The following RALGPS1 variants were observed in gnomAD, a reference collection of about 807,000 sequenced individuals.
RALGPS1 encodes the protein Ral GEF with PH domain and SH3 binding motif 1, also known as ras-specific guanine nucleotide-releasing factor RalGPS1.
In RALGPS1, 19 loss-of-function variants were observed where a neutral mutation model predicts 78.8. The observed-to-expected ratio is 0.24, with a 90% CI of 0.17 to 0.35. The LOEUF (loss-of-function observed/expected upper bound fraction) is 0.35. Among genes scored for constraint, RALGPS1 ranks in the 10% least tolerant of loss-of-function variants. The pLI, the probability that RALGPS1 is intolerant of heterozygous loss-of-function variation, is 1.00. For missense variants in RALGPS1, 454 were observed against 688.3 expected (o/e 0.66, Z 3.81); for synonymous variants, 228 against 256.3 (o/e 0.89, Z 1.06).
Position 127,091,510 on chromosome 9 carries a change from G to A in RALGPS1, c.610+22154G>A, listed in dbSNP as rs1381970950. On this transcript the variant is annotated intron_variant, in intron 8 of 18. Transcript: ENST00000259351. This position sits in a 1 kb window ranked among gnomAD's most constrained non-coding sequence, Gnocchi z 4.3. ...CTTTGTGAAGGGGACCTGTGGGCAG[G>A]AGAAGGGACCCTCAGGGGGTGGTAA... Among the ~76,000 whole-genome samples the A allele has an allele frequency of 6.6e-6, 1 of 152,150 alleles. No individual in the cohort carries two copies. The highest frequency in any genetic ancestry group is 2.4e-5 in the African/African-American group (1 of 41,428).
chr9:127,156,436 A>G (rs1268713437), intron 8 of RALGPS1, among the ~76,000 whole-genome samples: 1 of 152,226 alleles, frequency 6.6e-6, no homozygotes, highest in East Asian at 1.9e-4. Context: ...ACGCTCATCA[A>G]CACTAAATAT....
chr9:127,150,099 C>T (rs999200489), intron 8 of RALGPS1, among the ~76,000 whole-genome samples: 1 of 152,234 alleles, frequency 6.6e-6, no homozygotes, highest in African/African-American at 2.4e-5. Context: ...AACTTAGCCT[C>T]TCTGAGCCTC....
At position 127,218,876 on chromosome 9, in the gene RALGPS1, C is replaced by T; in HGVS notation, c.*107C>T. The T allele has an allele frequency of 1.5e-6, 2 of 1,309,136 alleles. No homozygotes were observed. The highest frequency in any genetic ancestry group is 2.2e-6 in the Non-Finnish European group (2 of 904,594). 81.1% of individuals were successfully genotyped at this position (1,309,136 alleles called of 1,614,324 possible). ...GGCTGTGAGCCAGGGTGCTGGGAAA[C>T]TCACAGCTGGACTCAGGGGACACGG... is the stretch of plus-strand genomic sequence containing the variant. On this transcript the variant is annotated 3_prime_UTR_variant, in exon 19 of 19. Coordinates refer to ENST00000259351, the MANE Select transcript of RALGPS1 (RefSeq NM_014636.3). The surrounding 1 kb of genome is among the most constrained non-coding windows in gnomAD (Gnocchi z 4.4).
intron 4 of RALGPS1, among the ~76,000 whole-genome samples, chr9:127,020,617 G>C (rs2045350228): frequency 6.6e-6 from 1 of 152,250 alleles, no homozygotes; most frequent in South Asian, 2.1e-4. Context: ...AGGGTGGGCA[G>C]ATGTGAGAAA....
At chr9:127,062,101 GTTTTT>G (rs927109802) in intron 7 of RALGPS1, among the ~76,000 whole-genome samples, 1 of 151,234 alleles carries the variant, frequency 6.6e-6, no homozygotes, top group Non-Finnish European at 1.5e-5. Context: ...TTTTTTTGTT[GTTTTT>G]TTTTGTTTTG....
chr9:126,942,208 T>C (rs538603097), intron 1 of RALGPS1, among the ~76,000 whole-genome samples: 1 of 152,208 alleles, frequency 6.6e-6, no homozygotes, highest in Admixed American at 6.6e-5. Flanking sequence ...TTTCATGATG[T>C]CTTTTCCTTT....
At chr9:126,933,597 G>T (rs2035996966) in intron 1 of RALGPS1, among the ~76,000 whole-genome samples, 1 of 152,196 alleles carries the variant, frequency 6.6e-6, no homozygotes, top group East Asian at 1.9e-4. Flanking sequence ...TCAGATGTGG[G>T]AGGGGAAGGC....
At chr9:127,082,639 G>A (rs965019858) in intron 8 of RALGPS1, among the ~76,000 whole-genome samples, 6 of 152,138 alleles carry the variant, frequency 3.9e-5, no homozygotes, top group Non-Finnish European at 8.8e-5. Context: ...AGACTGACTC[G>A]AGTTCACATT....
intron 4 of RALGPS1, among the ~76,000 whole-genome samples, chr9:127,033,762 C>G (rs2046626504): frequency 6.6e-6 from 1 of 152,166 alleles, no homozygotes; most frequent in African/African-American, 2.4e-5. Flanking sequence ...TATCCCTTGG[C>G]TAAGAGCCAG....
intron 1 of RALGPS1, among the ~76,000 whole-genome samples, chr9:126,958,301 A>T (rs1022446591): frequency 1.3e-5 from 2 of 151,874 alleles, no homozygotes; most frequent in South Asian, 4.2e-4. Flanking sequence ...TTTATATTTC[A>T]TAAAACCCAC....
intron 14 of RALGPS1, among the ~76,000 whole-genome samples, chr9:127,200,655 A>G (rs775520425): frequency 1.3e-5 from 2 of 152,206 alleles, no homozygotes; most frequent in Non-Finnish European, 2.9e-5. Context: ...CTCCCCGGCC[A>G]TCTGGGTTGC....
At chr9:127,088,181 T>A (rs2051999420) in intron 8 of RALGPS1, 1 of 152,190 alleles carries the variant, frequency 6.6e-6, no homozygotes, top group African/African-American at 2.4e-5. Context: ...TAATGAATGG[T>A]GTCAAATGAA....
At chr9:127,094,223 A>G (rs1014458639) in intron 8 of RALGPS1, among the ~76,000 whole-genome samples, 2 of 152,124 alleles carry the variant, frequency 1.3e-5, no homozygotes, top group Non-Finnish European at 2.9e-5. Context: ...CTGATTGTAG[A>G]AGGAAGATCA....
intron 4 of RALGPS1, among the ~76,000 whole-genome samples, chr9:126,998,163 G>C (rs529448032): frequency 6.6e-6 from 1 of 152,262 alleles, no homozygotes; most frequent in Admixed American, 6.5e-5. Flanking sequence ...AGCCAGAATT[G>C]ACAAATGGGA....
chr9:127,154,215 C>G (rs2058587740), intron 8 of RALGPS1, among the ~76,000 whole-genome samples: 2 of 152,104 alleles, frequency 1.3e-5, no homozygotes, highest in East Asian at 3.9e-4. Flanking sequence ...AGACCCTGAC[C>G]AGGGCGTTAG....
intron 3 of RALGPS1, among the ~76,000 whole-genome samples, chr9:126,968,819 C>T (rs573797840): frequency 3.3e-5 from 5 of 152,256 alleles, no homozygotes; most frequent in East Asian, 1.9e-4. Flanking sequence ...GAGGCTGAGG[C>T]GGGTGGATCA....
intron 4 of RALGPS1, among the ~76,000 whole-genome samples, chr9:126,999,839 C>T (rs1263706181): frequency 6.6e-6 from 1 of 152,148 alleles, no homozygotes; most frequent in African/African-American, 2.4e-5. Flanking sequence ...GGGTAAATAC[C>T]AATGAGAGTG....
chr9:127,034,858 C>T (rs1589133738), intron 5 of RALGPS1, among the ~76,000 whole-genome samples: 2 of 152,170 alleles, frequency 1.3e-5, no homozygotes, highest in African/African-American at 4.8e-5. Flanking sequence ...TCCTGGCCTT[C>T]CTTCTCTTAC....
chr9:127,177,229 CT>C (rs980610533), intron 11 of RALGPS1, among the ~76,000 whole-genome samples: 15 of 152,238 alleles, frequency 9.9e-5, no homozygotes, highest in African/African-American at 3.6e-4. Context: ...AAGAGCCAGG[CT>C]GCAGCTCTGG....
Sources: allele counts gnomAD v4.1 joint callset (sites outside exome capture counted in the v4.1 genomes callset), GRCh38; gene constraint gnomAD v4.1.1; non-coding constraint Gnocchi (gnomAD v3.1); transcripts MANE v1.5; gene names NCBI Gene and HGNC (gene_info 2026-07-23, HGNC 2026-07-21).